Variants in PRKDC observed in about 807,000 individuals in gnomAD.
PRKDC encodes protein kinase, DNA-activated, catalytic subunit.
PRKDC carries 82 observed loss-of-function variants against 486.9 expected under a neutral mutation model. That is an observed-to-expected ratio of 0.17 (90% confidence interval 0.14 to 0.20). The LOEUF is 0.20. Ranked by LOEUF, PRKDC falls within the 10% of genes least tolerant of loss-of-function variation. The pLI, the probability that PRKDC is intolerant of heterozygous loss-of-function variation, is 1.00. For missense variants in PRKDC, 4,504 were observed against 5,038.2 expected (o/e 0.89, Z 3.21); for synonymous variants, 1,895 against 1,837.0 (o/e 1.03, Z -0.81).
intron 25 of PRKDC, among the ~76,000 whole-genome samples, chr8:47,907,411 TACACACAC>T (rs746467406): frequency 1.3e-4 from 19 of 148,868 alleles, no homozygotes; most frequent in South Asian, 2.1e-4. Flanking sequence ...TATATATATA[TACACACAC>T]ACACACACAC....
chr8:47,823,496 G>A (rs992749686), intron 64 of PRKDC, among the ~76,000 whole-genome samples: 1 of 151,800 alleles, frequency 6.6e-6, no homozygotes, highest in African/African-American at 2.4e-5. Context: ...CCGTGGAACC[G>A]TGAACCAATT....
intron 5 of PRKDC, 65 bp downstream of exon 5, chr8:47,954,273 A>C: frequency 1.4e-6 from 1 of 706,812 alleles, no homozygotes; most frequent in South Asian, 4.4e-5. Context: ...CCTAAGTCTT[A>C]TGCTAATAAT....
chr8:47,886,938 C>A (rs1424888477), intron 35 of PRKDC, among the ~76,000 whole-genome samples: 2 of 152,072 alleles, frequency 1.3e-5, no homozygotes, highest in Non-Finnish European at 1.5e-5. Context: ...CATCTGCCTA[C>A]CCCAGTGTTG....
intron 68 of PRKDC, 61 bp from the exon 69 acceptor site, chr8:47,807,387 A>C: frequency 7.5e-7 from 1 of 1,333,602 alleles, no homozygotes; most frequent in Non-Finnish European, 1.0e-6. Context: ...CTGGATAGCA[A>C]TTACAGGCAG....
chr8:47,888,712 AC>A (rs2089390252), intron 33 of PRKDC, 62 bp from the exon 34 acceptor site: 2 of 1,478,288 alleles, frequency 1.4e-6, no homozygotes, highest in Admixed American at 2.6e-5. Flanking sequence ...ATCAAGATAC[AC>A]TGAAAAAAAT....
chr8:47,951,345 A>C (rs906501616), intron 7 of PRKDC, among the ~76,000 whole-genome samples: 2 of 151,950 alleles, frequency 1.3e-5, no homozygotes, highest in Non-Finnish European at 2.9e-5. Context: ...TGGGCAACAG[A>C]GTGAGACCCT....
chr8:47,859,532 A>G (rs1589748259), intron 46 of PRKDC, 79 bp downstream of exon 46: 1 of 1,472,344 alleles, frequency 6.8e-7, no homozygotes, highest in Admixed American at 2.0e-5. Flanking sequence ...GGCTTCCTGT[A>G]GTAACAGCAA....
chr8:47,894,219 G>C (rs777565355), intron 30 of PRKDC, among the ~76,000 whole-genome samples: 9 of 152,196 alleles, frequency 5.9e-5, no homozygotes, highest in African/African-American at 9.6e-5. Flanking sequence ...GGAGGTTGCA[G>C]TGAGCCAAGA....
intron 74 of PRKDC, among the ~76,000 whole-genome samples, chr8:47,790,908 A>G (rs1016103405): frequency 1.3e-5 from 2 of 152,202 alleles, no homozygotes; most frequent in South Asian, 2.1e-4. Flanking sequence ...TACAAAAATC[A>G]AATCCAAATA....
chr8:47,859,104 G>A, intron 46 of PRKDC, 118 bp from the exon 47 acceptor site: 1 of 1,085,356 alleles, frequency 9.2e-7, no homozygotes, highest in Admixed American at 2.1e-5. Flanking sequence ...AGGTAATAAT[G>A]ATAATCTGGT....
rs538352579 is a variant in PRKDC at position 47,930,737 on chromosome 8, C to T, written c.1827G>A (p.Ala609=). The part of the protein sequence containing the change: ...GVWMIPTSDP[A]ANLHPAKPKD... ...TAGGTTTAGCTGGATGCAAGTTAGC[C>T]GCTGGATCTGAAGTTGGGATCATCC... The change falls in exon 17 of 86, where the codon GCG becomes GCA. Residue 609 remains alanine (A), a synonymous_variant. Coordinates refer to ENST00000314191, the MANE Select transcript of PRKDC (RefSeq NM_006904.7). 1.6e-5 allele frequency: 25 copies of T among 1,591,796 alleles called. No homozygotes were observed. Among genetic ancestry groups the T allele is most frequent in the Middle Eastern group, 1.7e-4 (1 of 6,042 alleles).
chr8:47,798,759 C>T (rs1286859269), intron 72 of PRKDC, among the ~76,000 whole-genome samples: 14 of 152,142 alleles, frequency 9.2e-5, no homozygotes, highest in Admixed American at 9.2e-4. Context: ...AAACAGAGGA[C>T]CACTTGACTC....
At chr8:47,812,408 A>G (rs1158677684) in intron 68 of PRKDC, among the ~76,000 whole-genome samples, 1 of 152,254 alleles carries the variant, frequency 6.6e-6, no homozygotes, top group African/African-American at 2.4e-5. Context: ...ATAAAATTTA[A>G]AAGGATCAAA....
intron 76 of PRKDC, among the ~76,000 whole-genome samples, chr8:47,786,884 C>T (rs1018489145): frequency 3.3e-5 from 5 of 151,536 alleles, no homozygotes; most frequent in African/African-American, 9.7e-5. Context: ...TGCACACCAC[C>T]GTGCCTGGCT....
Position 47,918,265 on chromosome 8 carries a change from A to G in PRKDC, c.2526+12T>C, listed in dbSNP as rs1176626264. ...ATTATGTAAGGTACAGAAAATACAA[A>G]GGACTTCTTACTGATGAAAGGTTCT... On this transcript the variant is annotated intron_variant, in intron 22 of 85. Transcript: ENST00000314191. 2 of 1,527,854 alleles carry G rather than the reference A, an allele frequency of 1.3e-6. No individual in the cohort carries two copies. The highest frequency in any genetic ancestry group is 1.4e-5 in the African/African-American group (1 of 73,060). The allele number at this position is 1,527,854 out of a possible 1,614,324, so 94.6% of individuals were successfully genotyped here. A position where few individuals can be genotyped will look rare whatever the true frequency, so the allele number is the denominator to read the frequency against.
chr8:47,876,810 A>G (rs921092500), intron 40 of PRKDC, among the ~76,000 whole-genome samples: 3 of 152,216 alleles, frequency 2.0e-5, no homozygotes, highest in Non-Finnish European at 4.4e-5. Flanking sequence ...TAGAAGGAAT[A>G]AAAGAATCAG....
chr8:47,889,330 G>A, intron 32 of PRKDC, 108 bp from the exon 33 acceptor site: 1 of 923,858 alleles, frequency 1.1e-6, no homozygotes, highest in African/African-American at 1.7e-5. Flanking sequence ...GGGAGAGGTG[G>A]GCAGAGTTTC....
intron 7 of PRKDC, among the ~76,000 whole-genome samples, chr8:47,951,432 A>G (rs1304839337): frequency 6.6e-6 from 1 of 151,938 alleles, no homozygotes; most frequent in Non-Finnish European, 1.5e-5. Flanking sequence ...CTGTTAAGAA[A>G]CTGGTATCTG....
chr8:47,799,401 C>G lies in PRKDC; in HGVS notation c.10117-11G>C, dbSNP rs1473126303. On this transcript the variant is annotated splice_polypyrimidine_tract_variant and intron_variant, in intron 71 of 85. Coordinates refer to ENST00000314191, the MANE Select transcript of PRKDC (RefSeq NM_006904.7). ...CAGACCCGCGATCACCTGGAATTCA[C>G]AGAGACCTAAACCCATGAGCATGAC... The G allele has an allele frequency of 1.3e-6, 2 of 1,530,694 alleles. No homozygotes were observed. The highest frequency in any genetic ancestry group is 4.6e-5 in the East Asian group (2 of 43,882). The allele number at this position is 1,530,694 out of a possible 1,614,324, so 94.8% of individuals were successfully genotyped here.
Sources: allele counts gnomAD v4.1 joint callset (sites outside exome capture counted in the v4.1 genomes callset), GRCh38; gene constraint gnomAD v4.1.1; transcripts MANE v1.5; gene names NCBI Gene and HGNC (gene_info 2026-07-23, HGNC 2026-07-21).